Variants in TNIK observed in about 807,000 individuals in gnomAD.
The protein encoded by TNIK is TRAF2 and NCK-interacting protein kinase.
A neutral mutation model predicts 191.3 loss-of-function variants in TNIK; 49 were observed. The ratio of observed to expected loss-of-function variants is 0.26; its 90% CI spans 0.20 to 0.32. The LOEUF is 0.32. Ranked by LOEUF, TNIK falls within the 10% of genes least tolerant of loss-of-function variation. The pLI is 1.00. For missense variants in TNIK, 1,155 were observed against 1,702.3 expected (o/e 0.68, Z 5.66); for synonymous variants, 594 against 600.9 (o/e 0.99, Z 0.17).
chr3:171,094,359 A>C (rs1722455324), intron 22 of TNIK, among the ~76,000 whole-genome samples: 1 of 152,022 alleles, frequency 6.6e-6, no homozygotes, highest in African/African-American at 2.4e-5. Flanking sequence ...GATGGTCTCG[A>C]TCTCCTGACC....
rs373223527 is a variant in TNIK, at chr3:171,140,411, C to T, written c.1320G>A (p.Ala440=). The change falls in exon 13 of 33, where the codon GCG becomes GCA. Residue 440 remains alanine, a synonymous_variant. Transcript: ENST00000436636. ...QMRREEERRR[A]EHEQEYIRRQ... is the part of the protein sequence containing the mutation. ...GTCCCAGCTGTACCTGTTCATGCTC[C>T]GCACGCCTCCTCTCCTCCTCCCGGC... is the stretch of plus-strand genomic sequence containing the variant. The T allele has an allele frequency of 3.9e-5, 63 of 1,597,522 alleles. No homozygotes were observed. In the African/African-American group the frequency reaches 6.0e-4, roughly 15 times the overall value.
chr3:171,392,599 G>A (rs1003632427), intron 1 of TNIK, among the ~76,000 whole-genome samples: 4 of 151,944 alleles, frequency 2.6e-5, no homozygotes, highest in African/African-American at 9.7e-5. Flanking sequence ...GGCCAACATG[G>A]CAAAACCCTG....
chr3:171,140,343 G>A, intron 13 of TNIK, 56 bp downstream of exon 13: 1 of 1,403,986 alleles, frequency 7.1e-7, no homozygotes, highest in East Asian at 2.4e-5. Context: ...CCCCAGAGAA[G>A]GCTGGTGCTG....
At chr3:171,408,519 G>A (rs1275818964) in intron 1 of TNIK, among the ~76,000 whole-genome samples, 4 of 152,190 alleles carry the variant, frequency 2.6e-5, no homozygotes, top group African/African-American at 9.6e-5. Context: ...ATGCAGGTCA[G>A]AAGACATCAG....
chr3:171,385,669 G>A lies in TNIK; in HGVS notation c.58-15984C>T, dbSNP rs561930256. Among the ~76,000 whole-genome samples the A allele has an allele frequency of 4.6e-5, 7 of 152,296 alleles. No individual in the cohort carries two copies. In the South Asian group the frequency reaches 1.5e-3, roughly 32 times the overall value. ...TTTGGGTACACAGACAGAGATATCA[G>A]TAGAGGGGATAAACTTGCTTTGTTA... is the stretch of plus-strand genomic sequence containing the variant. On this transcript the variant is annotated intron_variant, in intron 1 of 32. Transcript: ENST00000436636.
chr3:171,089,271 C>T (rs1446886190), intron 23 of TNIK, among the ~76,000 whole-genome samples: 1 of 152,186 alleles, frequency 6.6e-6, no homozygotes. Flanking sequence ...AGTGCCTATT[C>T]TCAGAGTTGA....
intron 2 of TNIK, among the ~76,000 whole-genome samples, chr3:171,297,040 G>A (rs975712222): frequency 6.6e-6 from 1 of 151,942 alleles, no homozygotes; most frequent in East Asian, 1.9e-4. Flanking sequence ...GCAGTTTACC[G>A]CAGTCCTTGC....
intron 4 of TNIK, among the ~76,000 whole-genome samples, chr3:171,209,064 G>GGGGGGTGTGTGT (rs141041586): frequency 6.3e-5 from 9 of 142,016 alleles, no homozygotes; most frequent in Non-Finnish European, 3.0e-5. Context: ...CTTTGGAAGG[G>GGGGGGTGTGTGT]GTGTGTGTGT....
intron 2 of TNIK, among the ~76,000 whole-genome samples, chr3:171,230,262 G>A (rs1371255673): frequency 3.3e-5 from 5 of 152,154 alleles, no homozygotes; most frequent in African/African-American, 9.7e-5. Flanking sequence ...CCGTAATGAT[G>A]ACCCTTGCAA....
At chr3:171,266,245 G>A (rs1748388065) in intron 2 of TNIK, among the ~76,000 whole-genome samples, 1 of 152,186 alleles carries the variant, frequency 6.6e-6, no homozygotes, top group African/African-American at 2.4e-5. Flanking sequence ...TGAAACAAAA[G>A]TATTGTAAGC....
chr3:171,185,840 C>T (rs957035820), intron 7 of TNIK, among the ~76,000 whole-genome samples: 4 of 152,100 alleles, frequency 2.6e-5, no homozygotes, highest in African/African-American at 9.7e-5. Flanking sequence ...TTCTTCTTGT[C>T]TTTATTTTAC....
At position 171,232,286 on chromosome 3, in the gene TNIK, G is replaced by C. The variant is rs55917705; in HGVS notation, c.124-4065C>G. ...GATGGCTTGACTCCAGGAGTTCGAG[G>C]CTGGCCTGAGAAACACAGCAAGATC... On this transcript the variant is annotated intron_variant, in intron 2 of 32. Transcript: ENST00000436636. Among the ~76,000 whole-genome samples the C allele has an allele frequency of 1.3e-3, 194 of 151,798 alleles. No homozygotes were observed. The Middle Eastern group carries it at 0.014, about 11-fold the overall frequency.
intron 2 of TNIK, among the ~76,000 whole-genome samples, chr3:171,230,636 T>C (rs1743505469): frequency 2.0e-5 from 3 of 152,184 alleles, no homozygotes; most frequent in African/African-American, 7.2e-5. Context: ...TATGTTTTCT[T>C]GGTCTGGGAT....
intron 15 of TNIK, among the ~76,000 whole-genome samples, chr3:171,131,705 A>G (rs1003567199): frequency 6.6e-6 from 1 of 152,250 alleles, no homozygotes; most frequent in African/African-American, 2.4e-5. Flanking sequence ...AAGAAAACCT[A>G]GTCCTGAAGT....
chr3:171,126,228 A>AG lies in TNIK; in HGVS notation c.1774-78_1774-77insC. The AG allele has an allele frequency of 1.1e-5, 3 of 270,610 alleles. No individual in the cohort carries two copies. The East Asian group carries it at 4.3e-4, about 39-fold the overall frequency. 16.8% of individuals were successfully genotyped at this position (270,610 alleles called of 1,614,324 possible). On this transcript the variant is annotated intron_variant, in intron 16 of 32. Transcript: ENST00000436636. Reference sequence around the variant, plus strand: ...AGCCAGTACCTCAGTGAGCTGAAGGAAAAAAAAAAAAAAGTTCAAGGGCAC... The same window carrying AG: ...AGCCAGTACCTCAGTGAGCTGAAGGAGAAAAAAAAAAAAAGTTCAAGGGCAC...
Position 171,324,924 on chromosome 3 carries a change from C to T in TNIK, c.123+44696G>A, listed in dbSNP as rs911375778. Among the ~76,000 whole-genome samples, 3 of 151,424 alleles carry T rather than the reference C, an allele frequency of 2.0e-5. No homozygotes were observed. In the East Asian group the frequency reaches 5.8e-4, roughly 29 times the overall value. Reference sequence around the variant, plus strand: ...CCATCCTGGCTAACATGGTGAAACCCCGTCTCTACTAAAAAAAATACAAAC... The same window carrying T: ...CCATCCTGGCTAACATGGTGAAACCTCGTCTCTACTAAAAAAAATACAAAC... On this transcript the variant is annotated intron_variant, in intron 2 of 32. Transcript: ENST00000436636.
chr3:171,122,108 G>A (rs1213618361), intron 18 of TNIK, among the ~76,000 whole-genome samples: 2 of 152,204 alleles, frequency 1.3e-5, no homozygotes, highest in Non-Finnish European at 2.9e-5. Flanking sequence ...CACTAAAATA[G>A]CACTTCAGAG....
intron 2 of TNIK, among the ~76,000 whole-genome samples, chr3:171,350,487 A>C (rs1358226683): frequency 6.6e-6 from 1 of 151,528 alleles, no homozygotes; most frequent in Non-Finnish European, 1.5e-5. Context: ...ATTTTCTGTT[A>C]ATTCTTCTCC....
At chr3:171,141,391 A>G (rs1224248178) in intron 12 of TNIK, among the ~76,000 whole-genome samples, 1 of 152,216 alleles carries the variant, frequency 6.6e-6, no homozygotes, top group Non-Finnish European at 1.5e-5. Context: ...GAGCTCAATC[A>G]TTAAGGAAGT....
Sources: allele counts gnomAD v4.1 joint callset (sites outside exome capture counted in the v4.1 genomes callset), GRCh38; gene constraint gnomAD v4.1.1; transcripts MANE v1.5; gene names NCBI Gene and HGNC (gene_info 2026-07-23, HGNC 2026-07-21).